The following MEIS2 variants were observed in gnomAD, a reference collection of about 807,000 sequenced individuals.
MEIS2 encodes Meis homeobox 2.
Under a neutral mutation model 58.6 loss-of-function variants are expected in MEIS2, and 9 were observed. The ratio of observed to expected loss-of-function variants is 0.15; its 90% CI spans 0.09 to 0.27. The LOEUF is 0.27. Among genes scored for constraint, MEIS2 ranks in the 10% least tolerant of loss-of-function variants. The pLI is 1.00. For synonymous variants in MEIS2, 221 were observed against 228.4 expected (o/e 0.97, Z 0.29); for missense variants, 427 against 635.0 (o/e 0.67, Z 3.52).
At chr15:37,010,102 T>G in intron 8 of MEIS2, among the ~76,000 whole-genome samples, 1 of 152,138 alleles carries the variant, frequency 6.6e-6, no homozygotes, top group South Asian at 2.1e-4. Context: ...TTTTGTTTTG[T>G]TTTGAGACAG....
intron 8 of MEIS2, among the ~76,000 whole-genome samples, chr15:36,972,366 G>A (rs753688447): frequency 2.6e-5 from 4 of 152,224 alleles, no homozygotes; most frequent in South Asian, 2.1e-4. Flanking sequence ...CAAAGGACCC[G>A]TGTGATTTTG....
intron 4 of MEIS2, 33 bp downstream of exon 4, chr15:37,095,531 G>A: frequency 6.2e-7 from 1 of 1,614,136 alleles, no homozygotes; most frequent in Non-Finnish European, 8.5e-7. Flanking sequence ...AGAGGGCAAA[G>A]GCTGGGGAAA....
intron 7 of MEIS2, among the ~76,000 whole-genome samples, chr15:37,079,047 A>T (rs1324428071): frequency 6.6e-6 from 1 of 152,140 alleles, no homozygotes; most frequent in Non-Finnish European, 1.5e-5. Context: ...TACTACTCTA[A>T]AAAGTCTTGA....
At chr15:37,045,156 G>T (rs996506807) in intron 7 of MEIS2, among the ~76,000 whole-genome samples, 1 of 152,164 alleles carries the variant, frequency 6.6e-6, no homozygotes. Context: ...CCTCAACTCT[G>T]CCCTATTCCA....
chr15:37,023,376 C>T (rs917738783), intron 8 of MEIS2, among the ~76,000 whole-genome samples: 2 of 152,168 alleles, frequency 1.3e-5, no homozygotes, highest in African/African-American at 4.8e-5. Context: ...TTGTGTCAGC[C>T]AGTGCCACGT....
intron 8 of MEIS2, among the ~76,000 whole-genome samples, chr15:36,955,902 G>C (rs2058944872): frequency 1.3e-5 from 2 of 151,550 alleles, no homozygotes; most frequent in Non-Finnish European, 2.9e-5. Context: ...TTGGGGCCGG[G>C]TGCGGTGGCT....
At chr15:36,957,069 C>T (rs2059006785) in intron 8 of MEIS2, among the ~76,000 whole-genome samples, 2 of 151,830 alleles carry the variant, frequency 1.3e-5, no homozygotes, top group South Asian at 4.2e-4. Flanking sequence ...AGTAGTGATC[C>T]CAATAGATTT....
At chr15:36,914,714 T>C (rs576681235) in intron 9 of MEIS2, among the ~76,000 whole-genome samples, 14 of 152,232 alleles carry the variant, frequency 9.2e-5, no homozygotes, top group Admixed American at 3.3e-4. Context: ...GTAGTAAGAT[T>C]ATATGGCCCT....
chr15:36,996,008 TATATATAC>T (rs2060501347), intron 8 of MEIS2, among the ~76,000 whole-genome samples: 1 of 124,104 alleles, frequency 8.1e-6, no homozygotes, highest in Admixed American at 1.0e-4. Context: ...TATATGTATA[TATATATAC>T]ATATGTGTAT....
intron 8 of MEIS2, among the ~76,000 whole-genome samples, chr15:36,956,873 C>G (rs573453712): frequency 6.6e-4 from 77 of 116,404 alleles, no homozygotes; most frequent in Middle Eastern, 5.3e-3. Flanking sequence ...TCCCCTCCAG[C>G]TAGAAATGAT....
chr15:36,900,655 T>C (rs769880250), intron 9 of MEIS2, among the ~76,000 whole-genome samples: 2 of 152,214 alleles, frequency 1.3e-5, no homozygotes, highest in Non-Finnish European at 2.9e-5. Context: ...AATCTCATCT[T>C]ACTGCCTTGC....
At chr15:37,046,602 G>A (rs2062681875) in intron 7 of MEIS2, among the ~76,000 whole-genome samples, 1 of 152,120 alleles carries the variant, frequency 6.6e-6, no homozygotes, top group Admixed American at 6.5e-5. Flanking sequence ...GAGTGTCGTA[G>A]TATAGTTTTG....
intron 8 of MEIS2, among the ~76,000 whole-genome samples, chr15:36,983,248 C>G (rs2059987439): frequency 6.6e-6 from 1 of 152,074 alleles, no homozygotes; most frequent in Non-Finnish European, 1.5e-5. Flanking sequence ...AGATCTTTCC[C>G]TATCTTTTCT....
At chr15:37,015,685 C>G (rs1290740043) in intron 8 of MEIS2, among the ~76,000 whole-genome samples, 2 of 152,054 alleles carry the variant, frequency 1.3e-5, no homozygotes, top group African/African-American at 4.8e-5. Flanking sequence ...AGCAATGGCA[C>G]TCATGAATAT....
intron 7 of MEIS2, among the ~76,000 whole-genome samples, chr15:37,051,360 A>T (rs899458879): frequency 6.6e-6 from 1 of 152,198 alleles, no homozygotes; most frequent in African/African-American, 2.4e-5. Context: ...AGCCACACGC[A>T]AAAGGCCACA....
At chr15:36,948,252 G>A (rs557902332) in intron 9 of MEIS2, among the ~76,000 whole-genome samples, 3 of 151,814 alleles carry the variant, frequency 2.0e-5, no homozygotes, top group Admixed American at 2.0e-4. Flanking sequence ...TGGCAAATAT[G>A]GCTCAAATAA....
At chr15:37,030,015 T>TA (rs2061851477) in intron 8 of MEIS2, among the ~76,000 whole-genome samples, 1 of 152,022 alleles carries the variant, frequency 6.6e-6, no homozygotes. Context: ...AATCAATCAA[T>TA]AAAAAATAAT....
At chr15:37,052,793 A>G (rs2062978085) in intron 7 of MEIS2, among the ~76,000 whole-genome samples, 2 of 152,248 alleles carry the variant, frequency 1.3e-5, no homozygotes, top group South Asian at 4.1e-4. Flanking sequence ...TTATAAAAAT[A>G]TCTTCTTCCT....
At position 37,081,217 on chromosome 15, in the gene MEIS2, T is replaced by G. The variant is rs542574957; in HGVS notation, c.754+2554A>C. Among the ~76,000 whole-genome samples the G allele has an allele frequency of 7.2e-5, 11 of 152,320 alleles. No homozygotes were observed. The East Asian group carries it at 2.1e-3, about 29-fold the overall frequency. Reference sequence around the variant, plus strand: ...GTTTTGAAACTGAATCATTTTACAGTTTTCCATATGCCTGTTTTGCTAATA... The same window carrying G: ...GTTTTGAAACTGAATCATTTTACAGGTTTCCATATGCCTGTTTTGCTAATA... On this transcript the variant is annotated intron_variant, in intron 7 of 11. Coordinates refer to ENST00000561208, the MANE Select transcript of MEIS2 (RefSeq NM_170675.5).
Sources: allele counts gnomAD v4.1 joint callset (sites outside exome capture counted in the v4.1 genomes callset), GRCh38; gene constraint gnomAD v4.1.1; transcripts MANE v1.5; gene names NCBI Gene and HGNC (gene_info 2026-07-23, HGNC 2026-07-21).